The following GALNT18 variants were observed in gnomAD, a reference collection of about 807,000 sequenced individuals.
GALNT18 encodes the protein polypeptide N-acetylgalactosaminyltransferase 18.
Under a neutral mutation model 69.5 loss-of-function variants are expected in GALNT18, and 44 were observed. The ratio of observed to expected loss-of-function variants is 0.63; its 90% CI spans 0.50 to 0.81. The LOEUF (loss-of-function observed/expected upper bound fraction) is 0.81. GALNT18 is among the 40% of genes least tolerant of loss of function. The probability of loss-of-function intolerance (pLI) is 0.00; values close to 1 mark genes in which losing one functional copy is unlikely to be tolerated. For missense variants in GALNT18, 715 were observed against 810.0 expected, an observed-to-expected ratio of 0.88 and a Z score of 1.42; for synonymous variants, 364 against 318.2, an observed-to-expected ratio of 1.14 and a Z score of -1.53.
chr11:11,359,936 T>C (rs951764721), intron 6 of GALNT18, among the ~76,000 whole-genome samples: 3 of 152,206 alleles, frequency 2.0e-5, no homozygotes, highest in African/African-American at 7.2e-5. Flanking sequence ...GATAACAGCA[T>C]GGACCTCACA....
At chr11:11,375,110 G>C (rs1853715036) in intron 5 of GALNT18, among the ~76,000 whole-genome samples, 1 of 152,222 alleles carries the variant, frequency 6.6e-6, no homozygotes, top group African/African-American at 2.4e-5. Context: ...TACACCAGAA[G>C]ATATTGCTGG....
chr11:11,526,489 T>C (rs2133935892), intron 1 of GALNT18, among the ~76,000 whole-genome samples: 1 of 152,348 alleles, frequency 6.6e-6, no homozygotes, highest in East Asian at 1.9e-4. Flanking sequence ...TTCATGGAAG[T>C]AATAAATACA....
intron 1 of GALNT18, among the ~76,000 whole-genome samples, chr11:11,585,479 C>T (rs113562687): frequency 0.031 from 4,640 of 152,052 alleles, 221 homozygotes; most frequent in African/African-American, 0.11. Flanking sequence ...CCTCAGCCTC[C>T]GGAGTAGCTG....
At chr11:11,558,205 A>C (rs1157855122) in intron 1 of GALNT18, among the ~76,000 whole-genome samples, 1 of 152,208 alleles carries the variant, frequency 6.6e-6, no homozygotes, top group Non-Finnish European at 1.5e-5. Flanking sequence ...ATGGTGATTG[A>C]TGGTGAATCT....
intron 9 of GALNT18, among the ~76,000 whole-genome samples, chr11:11,310,186 T>C (rs1849645967): frequency 6.6e-6 from 1 of 152,124 alleles, no homozygotes; most frequent in Admixed American, 6.5e-5. Context: ...AAGGCACGCA[T>C]TATGAGGGAT....
intron 2 of GALNT18, among the ~76,000 whole-genome samples, chr11:11,447,011 T>C (rs1855670447): frequency 6.6e-6 from 1 of 152,166 alleles, no homozygotes; most frequent in Non-Finnish European, 1.5e-5. Context: ...CCGTGATGTG[T>C]AGAATGGGCA....
chr11:11,564,739 G>C lies in GALNT18; in HGVS notation c.235+56620C>G, dbSNP rs939886576. On this transcript the variant is annotated intron_variant, in intron 1 of 10. Transcript: ENST00000227756. This position sits in a 1 kb window ranked among gnomAD's most constrained non-coding sequence, Gnocchi z 4.3. ...CAGCACATTTGCCTAGACTATCCCT[G>C]GTCAACCTTTACTCTAGGTTGTGCT... Among the ~76,000 whole-genome samples, 1 of 152,138 alleles carries C rather than the reference G, an allele frequency of 6.6e-6. No individual in the cohort carries two copies. The highest frequency in any genetic ancestry group is 2.4e-5 in the African/African-American group (1 of 41,426).
intron 10 of GALNT18, among the ~76,000 whole-genome samples, chr11:11,286,338 C>T (rs898080801): frequency 2.6e-5 from 4 of 152,172 alleles, no homozygotes; most frequent in East Asian, 1.9e-4. Flanking sequence ...GTGTTTATGC[C>T]GTAACTTTGA....
At chr11:11,451,439 A>G (rs1225997926) in intron 1 of GALNT18, among the ~76,000 whole-genome samples, 4 of 152,262 alleles carry the variant, frequency 2.6e-5, no homozygotes, top group African/African-American at 7.2e-5. Flanking sequence ...TATATTATAA[A>G]CATATTAAAG....
At chr11:11,597,393 T>C (rs546159060) in intron 1 of GALNT18, among the ~76,000 whole-genome samples, 15 of 152,194 alleles carry the variant, frequency 9.9e-5, no homozygotes, top group Non-Finnish European at 2.1e-4. Flanking sequence ...TTAGTAGAAG[T>C]TACCCAGTAA....
At chr11:11,476,734 T>G (rs1477008754) in intron 1 of GALNT18, among the ~76,000 whole-genome samples, 1 of 152,122 alleles carries the variant, frequency 6.6e-6, no homozygotes, top group Non-Finnish European at 1.5e-5. Context: ...AACTTGGGCA[T>G]GATGTGACAG....
rs1231012952 is a variant in GALNT18, at chr11:11,584,399, G to A, written c.235+36960C>T. The stretch of plus-strand genomic sequence containing the variant: ...TAAACAGGAACCTTGGAGCCATCAG[G>A]TTACTGTTGGAAAGCTGATGGGAGA... On this transcript the variant is annotated intron_variant, in intron 1 of 10. Coordinates refer to ENST00000227756, the MANE Select transcript of GALNT18 (RefSeq NM_198516.3). This position sits in a 1 kb window ranked among gnomAD's most constrained non-coding sequence, Gnocchi z 4.1. 6.6e-6 allele frequency among the ~76,000 whole-genome samples: 1 copy of A among 152,202 alleles called. No homozygotes were observed. The highest frequency in any genetic ancestry group is 2.4e-5 in the African/African-American group (1 of 41,432).
At chr11:11,492,581 G>A (rs898061491) in intron 1 of GALNT18, among the ~76,000 whole-genome samples, 1 of 152,160 alleles carries the variant, frequency 6.6e-6, no homozygotes, top group Non-Finnish European at 1.5e-5. Flanking sequence ...AAAAGAATGA[G>A]TTCATGTCCT....
At chr11:11,333,221 GA>G (rs1183346280) in intron 7 of GALNT18, among the ~76,000 whole-genome samples, 3 of 152,106 alleles carry the variant, frequency 2.0e-5, no homozygotes, top group Non-Finnish European at 2.9e-5. Context: ...AGGGGGGAAG[GA>G]AAAAGCATTG....
At chr11:11,327,866 A>G (rs552677172) in intron 8 of GALNT18, among the ~76,000 whole-genome samples, 1 of 152,336 alleles carries the variant, frequency 6.6e-6, no homozygotes, top group African/African-American at 2.4e-5. Flanking sequence ...AGGGCAGCCC[A>G]TAGACCTCAT....
chr11:11,570,530 G>T (rs1459082908), intron 1 of GALNT18, among the ~76,000 whole-genome samples: 2 of 152,176 alleles, frequency 1.3e-5, no homozygotes, highest in Non-Finnish European at 2.9e-5. Flanking sequence ...GGGGGACCCT[G>T]CCCTCTGCCT....
rs375678439 is a variant in GALNT18, at chr11:11,321,824, C to T, written c.1512+5262G>A. On this transcript the variant is annotated intron_variant, in intron 9 of 10. Coordinates refer to ENST00000227756, the MANE Select transcript of GALNT18 (RefSeq NM_198516.3). ...TTTGCCATGTTGGCTAGGCTGGTCT[C>T]GAACTCCTGACCTCAGGTGAACTGC... Among the ~76,000 whole-genome samples the T allele has an allele frequency of 1.2e-4, 18 of 152,302 alleles. No individual in the cohort carries two copies. In the East Asian group the frequency reaches 2.3e-3, roughly 20 times the overall value.
chr11:11,474,349 G>A (rs1253532234), intron 1 of GALNT18, among the ~76,000 whole-genome samples: 1 of 152,194 alleles, frequency 6.6e-6, no homozygotes, highest in African/African-American at 2.4e-5. Flanking sequence ...TGGCACGAGT[G>A]TGATTGGCTG....
intron 1 of GALNT18, among the ~76,000 whole-genome samples, chr11:11,561,853 T>C (rs1858516987): frequency 6.6e-6 from 1 of 152,138 alleles, no homozygotes; most frequent in Non-Finnish European, 1.5e-5. Flanking sequence ...GGGGAATTAA[T>C]AGTAATGACC....
Sources: gnomAD v4.1 joint callset for allele counts (sites outside exome capture counted in the v4.1 genomes callset) on GRCh38, gnomAD v4.1.1 for gene constraint, Gnocchi (gnomAD v3.1) non-coding constraint, MANE v1.5 for transcripts, NCBI Gene and HGNC (gene_info 2026-07-23, HGNC 2026-07-21) for gene names.